ST3GAL3: variants seen among roughly 807,000 people sequenced by gnomAD.
ST3GAL3 encodes the protein ST3 beta-galactoside alpha-2,3-sialyltransferase 3, also known as CMP-N-acetylneuraminate-beta-1,4-galactoside alpha-2,3-sialyltransferase.
ST3GAL3 carries 21 observed loss-of-function variants against 50.1 expected under a neutral mutation model. The observed-to-expected ratio is 0.42, with a 90% CI of 0.30 to 0.60. The LOEUF (loss-of-function observed/expected upper bound fraction) is 0.60. Ranked by LOEUF, ST3GAL3 falls within the 20% of genes least tolerant of loss-of-function variation. The pLI, the probability that ST3GAL3 is intolerant of heterozygous loss-of-function variation, is 0.19. For missense variants in ST3GAL3, 353 were observed against 489.4 expected (o/e 0.72, Z 2.63); for synonymous variants, 183 against 190.0 (o/e 0.96, Z 0.30).
At position 43,927,438 on chromosome 1, in the gene ST3GAL3, C is replaced by T. The variant is rs113299157; in HGVS notation, c.1039-2694C>T. The stretch of plus-strand genomic sequence containing the variant: ...ATGAACAGTAATTCCTTAATATCAT[C>T]AAATGTCCAGTCCTCTGCTGACCTT... On this transcript the variant is annotated intron_variant, in intron 11 of 11. Coordinates refer to ENST00000347631, the MANE Select transcript of ST3GAL3 (RefSeq NM_006279.5). Among the ~76,000 whole-genome samples, 423 of 152,334 alleles carry T rather than the reference C, an allele frequency of 2.8e-3. 2 individuals are homozygous for T. Among genetic ancestry groups the T allele is most frequent in the African/African-American group, 9.8e-3 (407 of 41,568 alleles).
At chr1:43,892,060 C>T (rs1221454759) in intron 5 of ST3GAL3, among the ~76,000 whole-genome samples, 1 of 152,220 alleles carries the variant, frequency 6.6e-6, no homozygotes, top group Non-Finnish European at 1.5e-5. Context: ...TCTCCTGCCT[C>T]AGCGTCCCAA....
intron 2 of ST3GAL3, among the ~76,000 whole-genome samples, chr1:43,747,473 G>A (rs1292239455): frequency 2.0e-5 from 3 of 151,992 alleles, no homozygotes; most frequent in Admixed American, 6.6e-5. Flanking sequence ...ACGGGCCCAG[G>A]GCTTCCATGC....
chr1:43,728,659 G>C (rs1393398440), intron 1 of ST3GAL3, among the ~76,000 whole-genome samples: 1 of 152,184 alleles, frequency 6.6e-6, no homozygotes, highest in Non-Finnish European at 1.5e-5. Context: ...GCTGAGATGG[G>C]AGGATCACTT....
intron 6 of ST3GAL3, among the ~76,000 whole-genome samples, chr1:43,897,055 C>G (rs1362940319): frequency 7.3e-6 from 1 of 136,392 alleles, no homozygotes; most frequent in Admixed American, 7.3e-5. Context: ...TTTTTAATGG[C>G]TGTATAGGAT....
At chr1:43,813,881 ACACACACACACACG>A (rs1433434804) in intron 3 of ST3GAL3, among the ~76,000 whole-genome samples, 12 of 52,564 alleles carry the variant, frequency 2.3e-4, no homozygotes, top group Non-Finnish European at 4.4e-4. Flanking sequence ...ACACACACAC[ACACACACACACACG>A]CACACACGCA....
intron 2 of ST3GAL3, chr1:43,771,886 G>A (rs1383058700): frequency 2.5e-6 from 1 of 398,294 alleles, no homozygotes. Context: ...TTTTACAGAA[G>A]ATGGCCTGTT....
intron 2 of ST3GAL3, among the ~76,000 whole-genome samples, chr1:43,780,153 A>G (rs1328026619): frequency 6.6e-6 from 1 of 152,138 alleles, no homozygotes; most frequent in Non-Finnish European, 1.5e-5. Context: ...ACATACCTGA[A>G]AATGTCTTTA....
chr1:43,721,388 T>TC (rs1203120864), intron 1 of ST3GAL3, among the ~76,000 whole-genome samples: 10 of 134,294 alleles, frequency 7.4e-5, no homozygotes, highest in Non-Finnish European at 1.4e-4. Context: ...TACTGCAACC[T>TC]CCACCTCCCA....
chr1:43,767,224 T>A (rs370845148), intron 2 of ST3GAL3, among the ~76,000 whole-genome samples: 9 of 151,778 alleles, frequency 5.9e-5, no homozygotes, highest in East Asian at 1.9e-4. Flanking sequence ...CTGAGCTGAG[T>A]AGGGAGGGCT....
chr1:43,750,114 C>T (rs1002533037), intron 2 of ST3GAL3, among the ~76,000 whole-genome samples: 17 of 152,160 alleles, frequency 1.1e-4, no homozygotes, highest in African/African-American at 3.9e-4. Context: ...CATCATTAGA[C>T]GTCAGGGAAA....
chr1:43,819,621 C>T (rs973676881), intron 4 of ST3GAL3, among the ~76,000 whole-genome samples: 7 of 150,052 alleles, frequency 4.7e-5, no homozygotes, highest in African/African-American at 1.7e-4. Context: ...AACCCTATTG[C>T]ATAGAAATAC....
intron 2 of ST3GAL3, among the ~76,000 whole-genome samples, chr1:43,754,373 G>A (rs1408108765): frequency 2.0e-5 from 3 of 152,096 alleles, no homozygotes; most frequent in Admixed American, 6.6e-5. Context: ...TTGTATTTTA[G>A]TAGAGACGAG....
At chr1:43,912,311 T>TG (rs1295430103) in intron 9 of ST3GAL3, 7 of 152,198 alleles carry the variant, frequency 4.6e-5, no homozygotes, top group African/African-American at 1.7e-4. Context: ...CTAGTATTAC[T>TG]GCCCTTATTT....
At chr1:43,906,638 C>T (rs1195757544) in intron 9 of ST3GAL3, among the ~76,000 whole-genome samples, 2 of 141,714 alleles carry the variant, frequency 1.4e-5, no homozygotes, top group African/African-American at 2.6e-5. Flanking sequence ...CCACTCTTCC[C>T]CCTCCTCCTC....
At chr1:43,870,563 A>G (rs2072439706) in intron 5 of ST3GAL3, among the ~76,000 whole-genome samples, 2 of 142,222 alleles carry the variant, frequency 1.4e-5, no homozygotes, top group Admixed American at 7.2e-5. Context: ...CTGAAACCCA[A>G]GGGAGGCAAG....
intron 9 of ST3GAL3, among the ~76,000 whole-genome samples, chr1:43,906,476 T>C (rs1302281503): frequency 4.0e-4 from 18 of 44,554 alleles, no homozygotes; most frequent in Middle Eastern, 0.013. Flanking sequence ...CTCTCCCCTC[T>C]CCTCCTCCTG....
intron 5 of ST3GAL3, among the ~76,000 whole-genome samples, chr1:43,854,445 T>C (rs537966560): frequency 8.5e-5 from 13 of 152,296 alleles, no homozygotes; most frequent in African/African-American, 3.1e-4. Context: ...TTGTTCAAAC[T>C]CCCTCCCAGT....
In ST3GAL3 at chr1:43,903,005, G is replaced by C. The variant is rs142875868; in HGVS notation, c.744+3278G>C. 3.6e-3 allele frequency among the ~76,000 whole-genome samples: 543 copies of C among 152,318 alleles called. 5 individuals are homozygous for C. Among genetic ancestry groups the C allele is most frequent in the African/African-American group, 0.013 (525 of 41,580 alleles). Reference sequence around the variant, plus strand: ...GGCCTAATGCAGCTCTGGGGCAGGTGGGGGACAAAAGAAGGCCTCTTGGAG... The same window carrying C: ...GGCCTAATGCAGCTCTGGGGCAGGTCGGGGACAAAAGAAGGCCTCTTGGAG... On this transcript the variant is annotated intron_variant, in intron 9 of 11. Coordinates refer to ENST00000347631, the MANE Select transcript of ST3GAL3 (RefSeq NM_006279.5).
chr1:43,818,459 A>C (rs193000616), intron 4 of ST3GAL3, among the ~76,000 whole-genome samples: 9 of 152,346 alleles, frequency 5.9e-5, no homozygotes, highest in Non-Finnish European at 1.2e-4. Flanking sequence ...GGCAGAAATA[A>C]ATGCAGACTT....
Sources: allele counts gnomAD v4.1 joint callset (sites outside exome capture counted in the v4.1 genomes callset), GRCh38; gene constraint gnomAD v4.1.1; transcripts MANE v1.5; gene names NCBI Gene and HGNC (gene_info 2026-07-23, HGNC 2026-07-21).